HDHD5: variants seen among roughly 807,000 people sequenced by gnomAD.
The protein encoded by HDHD5 is haloacid dehalogenase-like hydrolase domain-containing 5.
HDHD5 carries 34 observed loss-of-function variants against 35.5 expected under a neutral mutation model. The observed-to-expected ratio is 0.96, with a 90% CI of 0.73 to 1.28. The LOEUF (loss-of-function observed/expected upper bound fraction) is 1.28, where lower values mean the gene tolerates loss of function less well. Among genes scored for constraint, HDHD5 ranks in the 50% most tolerant of loss-of-function variants. The pLI, the probability that HDHD5 is intolerant of heterozygous loss-of-function variation, is 0.00. For synonymous variants in HDHD5, 248 were observed against 240.6 expected, an observed-to-expected ratio of 1.03 and a Z score of -0.29; for missense variants, 589 against 560.2, an observed-to-expected ratio of 1.05 and a Z score of -0.52.
At chr22:17,142,945 G>GT (rs953175460) in intron 5 of HDHD5, 153 bp downstream of exon 5, 1 of 688,748 alleles carries the variant, frequency 1.5e-6, no homozygotes. Flanking sequence ...CTCAGAGGTG[G>GT]TAAGTGGCAG....
intron 3 of HDHD5, among the ~76,000 whole-genome samples, chr22:17,145,502 C>T (rs1005450170): frequency 2.6e-5 from 4 of 152,126 alleles, no homozygotes; most frequent in African/African-American, 7.2e-5. Flanking sequence ...CCAGGAGTTC[C>T]AGCCAGCATG....
At chr22:17,147,620 G>A (rs1225148861) in intron 3 of HDHD5, among the ~76,000 whole-genome samples, 23 of 136,222 alleles carry the variant, frequency 1.7e-4, no homozygotes, top group African/African-American at 5.0e-4. Flanking sequence ...TGAGCTTACC[G>A]GCCTTCAATC....
chr22:17,140,636 C>T (rs188946511), intron 6 of HDHD5, among the ~76,000 whole-genome samples: 117 of 152,202 alleles, frequency 7.7e-4, no homozygotes, highest in South Asian at 1.9e-3. Flanking sequence ...TTCCTCCTGC[C>T]TTATGTCTGA....
chr22:17,163,242 A>C (rs954619981), upstream of HDHD5, among the ~76,000 whole-genome samples: 1 of 152,132 alleles, frequency 6.6e-6, no homozygotes, highest in African/African-American at 2.4e-5. Flanking sequence ...CTTGGATTAC[A>C]CTATATTTGG....
intron 5 of HDHD5, chr22:17,142,820 G>A: frequency 5.4e-6 from 2 of 370,314 alleles, no homozygotes; most frequent in Non-Finnish European, 9.7e-6. Flanking sequence ...GGGTTTAAAA[G>A]TTGAGAAACA....
At chr22:17,157,271 C>CTTTT (rs372356199) in intron 1 of HDHD5, among the ~76,000 whole-genome samples, 36 of 136,700 alleles carry the variant, frequency 2.6e-4, no homozygotes, top group African/African-American at 9.5e-4. Flanking sequence ...GGTTAATTTT[C>CTTTT]TTTTTTTTTT....
intron 1 of HDHD5, among the ~76,000 whole-genome samples, chr22:17,150,522 C>CTTTT (rs3053235): frequency 0.043 from 6,032 of 141,840 alleles, 431 homozygotes; most frequent in African/African-American, 0.15. Flanking sequence ...TCTTGGCTGT[C>CTTTT]TTTTTTTTTT....
intron 4 of HDHD5, chr22:17,143,408 G>C (rs956659348): frequency 5.0e-6 from 2 of 399,160 alleles, no homozygotes; most frequent in South Asian, 4.6e-5. Flanking sequence ...GGTGGGAGAG[G>C]ACACAAGATA....
chr22:17,139,416 T>A (rs570588025), intron 6 of HDHD5, among the ~76,000 whole-genome samples: 1 of 151,922 alleles, frequency 6.6e-6, no homozygotes, highest in Non-Finnish European at 1.5e-5. Flanking sequence ...TAGTCCCAGC[T>A]ACTTGGGGGG....
chr22:17,156,346 CTCACGCCTGTAA>C (rs1189487135), intron 1 of HDHD5, among the ~76,000 whole-genome samples: 1 of 152,200 alleles, frequency 6.6e-6, no homozygotes, highest in Non-Finnish European at 1.5e-5. Flanking sequence ...GGCACTGTGG[CTCACGCCTGTAA>C]TCCCAGCACT....
At chr22:17,138,506 A>C (rs1395981918) in intron 7 of HDHD5, 44 bp downstream of exon 7, 24 of 1,589,958 alleles carry the variant, frequency 1.5e-5, no homozygotes, top group Non-Finnish European at 2.1e-5. Flanking sequence ...GAGGGAGAGA[A>C]GGGGATGTCA....
At position 17,148,538 on chromosome 22, in the gene HDHD5, A is replaced by G; in HGVS notation, c.353T>C (p.Leu118Pro). 6.2e-7 allele frequency: 1 copy of G among 1,614,116 alleles called. No homozygotes were observed. The change falls in exon 3 of 8, where the codon CTC (leucine) becomes CCC (proline). Residue 118 changes from leucine to proline, a missense_variant. By Grantham distance (98) the Leu-to-Pro change is moderately conservative (BLOSUM62 -3). Coordinates refer to ENST00000336737, the MANE Select transcript of HDHD5 (RefSeq NM_033070.3). Reference sequence around the variant, plus strand: ...GAAGAGCTTCATGGGGCTGTGAGAGAGGATAACTTGGTCTGCATCCACCTG... The same window carrying G: ...GAAGAGCTTCATGGGGCTGTGAGAGGGGATAACTTGGTCTGCATCCACCTG... ...GCEVDADQVI[L>P]SHSPMKLFSE...
exon 1 of HDHD5, chr22:17,165,282 CA>C (rs751776964): frequency 1.0e-5 from 8 of 765,902 alleles, no homozygotes; most frequent in Non-Finnish European, 2.0e-5. Flanking sequence ...CCAGCTGGTC[CA>C]CCAGAAGTCT....
upstream of HDHD5, among the ~76,000 whole-genome samples, chr22:17,162,340 C>T (rs1305781526): frequency 6.6e-6 from 1 of 152,190 alleles, no homozygotes; most frequent in Admixed American, 6.5e-5. Context: ...TGGGATAATT[C>T]GTTATACAGC....
upstream of HDHD5, among the ~76,000 whole-genome samples, chr22:17,161,881 A>G (rs545159788): frequency 6.6e-6 from 1 of 151,326 alleles, no homozygotes; most frequent in African/African-American, 2.4e-5. Flanking sequence ...TCAAAAAAAA[A>G]AAAAGAAAAA....
At chr22:17,157,105 C>CACACACAT (rs1447604663) in intron 1 of HDHD5, among the ~76,000 whole-genome samples, 1 of 151,192 alleles carries the variant, frequency 6.6e-6, no homozygotes, top group Non-Finnish European at 1.5e-5. Context: ...CACACACACA[C>CACACACAT]ACACACACAA....
In HDHD5 at chr22:17,149,603, T is replaced by C; in HGVS notation, c.269A>G (p.Asn90Ser). ...QLRVPVVFVT[N>S]AGNILQHSKA... ...GCTGTGTTGTAAGATGTTCCCAGCA[T>C]TTGTAACAAAAACCACGGGCACCCG... The change falls in exon 2 of 8, where the codon AAT becomes AGT. Residue 90 changes from asparagine to serine, a missense_variant. Coordinates refer to ENST00000336737, the MANE Select transcript of HDHD5 (RefSeq NM_033070.3). 2.5e-6 allele frequency: 4 copies of C among 1,613,158 alleles called. No individual in the cohort carries two copies. The highest frequency in any genetic ancestry group is 3.4e-6 in the Non-Finnish European group (4 of 1,179,994).
chr22:17,148,820 T>A (rs1288504821), intron 2 of HDHD5, among the ~76,000 whole-genome samples: 2 of 152,186 alleles, frequency 1.3e-5, no homozygotes, highest in Admixed American at 6.5e-5. Context: ...TTGCCACCGC[T>A]ACCCCGTCAG....
intron 4 of HDHD5, among the ~76,000 whole-genome samples, chr22:17,143,880 C>T (rs5748897): frequency 0.022 from 3,324 of 152,254 alleles, 83 homozygotes; most frequent in East Asian, 0.13. Context: ...ACAGACGGTG[C>T]GATGAGGAGA....
Sources: allele counts gnomAD v4.1 joint callset (sites outside exome capture counted in the v4.1 genomes callset), GRCh38; gene constraint gnomAD v4.1.1; transcripts MANE v1.5; gene names NCBI Gene and HGNC (gene_info 2026-07-23, HGNC 2026-07-21).